Variants in RAB27A observed in about 807,000 individuals in gnomAD.
RAB27A encodes the protein RAB27A, member RAS oncogene family.
Under a neutral mutation model 20.8 loss-of-function variants are expected in RAB27A, and 17 were observed. The observed-to-expected ratio is 0.82, with a 90% CI of 0.56 to 1.23. The LOEUF is 1.23. RAB27A is among the 50% of genes most tolerant of loss of function. The pLI is 0.00. For synonymous variants in RAB27A, 85 were observed against 92.8 expected (o/e 0.92, Z 0.48); for missense variants, 277 against 266.7 (o/e 1.04, Z -0.27).
At chr15:55,297,945 G>A (rs1332505031) in intron 2 of RAB27A, among the ~76,000 whole-genome samples, 1 of 152,138 alleles carries the variant, frequency 6.6e-6, no homozygotes, top group African/African-American at 2.4e-5. Flanking sequence ...GCTCATGCCT[G>A]TAATCCCAGC....
At chr15:55,309,877 C>G (rs561221896) in intron 2 of RAB27A, among the ~76,000 whole-genome samples, 1 of 152,032 alleles carries the variant, frequency 6.6e-6, no homozygotes, top group Non-Finnish European at 1.5e-5. Context: ...CTTTTAGGTC[C>G]TTAACAATTT....
intron 6 of RAB27A, among the ~76,000 whole-genome samples, chr15:55,208,410 A>G (rs1595665526): frequency 6.6e-6 from 1 of 152,348 alleles, no homozygotes; most frequent in Middle Eastern, 3.4e-3. Flanking sequence ...GTAATGCATA[A>G]TGAACACAGA....
intron 6 of RAB27A, among the ~76,000 whole-genome samples, chr15:55,220,789 A>G (rs1895534444): frequency 6.6e-6 from 1 of 152,216 alleles, no homozygotes; most frequent in African/African-American, 2.4e-5. Context: ...TGTGAAAATA[A>G]TCATTAAAGT....
intron 1 of RAB27A, among the ~76,000 whole-genome samples, chr15:55,280,528 C>T (rs1039397607): frequency 4.8e-5 from 5 of 104,648 alleles, no homozygotes; most frequent in African/African-American, 1.5e-4. Context: ...TATATATATA[C>T]TTTAAGTTCT....
chr15:55,222,507 T>G (rs944588174), intron 6 of RAB27A, among the ~76,000 whole-genome samples: 1 of 152,154 alleles, frequency 6.6e-6, no homozygotes, highest in Admixed American at 6.5e-5. Context: ...CATCCCTCCA[T>G]GCTCAAAGGC....
At chr15:55,242,795 C>G (rs1236799745) in intron 2 of RAB27A, among the ~76,000 whole-genome samples, 1 of 152,102 alleles carries the variant, frequency 6.6e-6, no homozygotes, top group Non-Finnish European at 1.5e-5. Context: ...GTTGAATGCT[C>G]TAATTTCCAG....
At chr15:55,235,022 A>G in intron 2 of RAB27A, 66 bp from the exon 3 acceptor site, 2 of 1,300,624 alleles carry the variant, frequency 1.5e-6, no homozygotes, top group East Asian at 2.5e-5. Context: ...CCATTTAAAA[A>G]GTGACAACAA....
At chr15:55,266,373 A>T (rs1452609346) in intron 2 of RAB27A, among the ~76,000 whole-genome samples, 1 of 152,218 alleles carries the variant, frequency 6.6e-6, no homozygotes, top group Non-Finnish European at 1.5e-5. Context: ...GTACTTTGTT[A>T]TAACAGTTTG....
chr15:55,218,614 C>A (rs768942226), intron 6 of RAB27A, among the ~76,000 whole-genome samples: 6 of 152,136 alleles, frequency 3.9e-5, no homozygotes, highest in Non-Finnish European at 7.3e-5. Flanking sequence ...CATTCCAGAA[C>A]TCTTGAGCAT....
intron 2 of RAB27A, among the ~76,000 whole-genome samples, chr15:55,311,469 A>C (rs1566942165): frequency 6.6e-6 from 1 of 151,914 alleles, no homozygotes; most frequent in African/African-American, 2.4e-5. Context: ...TTTGGGTTGA[A>C]GGGGGGTCCT....
intron 3 of RAB27A, among the ~76,000 whole-genome samples, chr15:55,230,945 G>A (rs1231912696): frequency 1.3e-5 from 2 of 152,106 alleles, no homozygotes; most frequent in African/African-American, 4.8e-5. Context: ...TACCCAATAA[G>A]TAGTTTTTCA....
chr15:55,315,853 C>G (rs55933611), intron 1 of RAB27A, among the ~76,000 whole-genome samples: 17,150 of 152,204 alleles, frequency 0.11, 1,752 homozygotes, highest in East Asian at 0.54. Flanking sequence ...GGCAATTCCT[C>G]AAGGATCTAC....
intron 4 of RAB27A, among the ~76,000 whole-genome samples, chr15:55,230,108 T>C (rs1895971429): frequency 6.6e-6 from 1 of 152,174 alleles, no homozygotes; most frequent in Admixed American, 6.5e-5. Context: ...TTGGCCACTT[T>C]CTTGTGGTTG....
intron 2 of RAB27A, among the ~76,000 whole-genome samples, chr15:55,265,687 T>C (rs1423027105): frequency 6.6e-6 from 1 of 151,320 alleles, no homozygotes; most frequent in Non-Finnish European, 1.5e-5. Flanking sequence ...GAACACATCT[T>C]GGGCTGACTG....
intron 6 of RAB27A, among the ~76,000 whole-genome samples, chr15:55,212,721 G>T (rs1017199924): frequency 3.9e-5 from 6 of 151,958 alleles, no homozygotes; most frequent in African/African-American, 1.5e-4. Flanking sequence ...AGTACAGACG[G>T]TGTTTCACCA....
chr15:55,235,527 T>C (rs1464394883), intron 2 of RAB27A, among the ~76,000 whole-genome samples: 3 of 151,622 alleles, frequency 2.0e-5, no homozygotes, highest in Non-Finnish European at 2.9e-5. Context: ...AAATTTCAAG[T>C]GGGAATGATA....
intron 2 of RAB27A, among the ~76,000 whole-genome samples, chr15:55,295,718 C>T (rs1259699416): frequency 6.6e-6 from 1 of 152,112 alleles, no homozygotes; most frequent in African/African-American, 2.4e-5. Context: ...GTGTTGACTG[C>T]TTATTGCACA....
At chr15:55,310,169 T>C (rs943640728) in intron 2 of RAB27A, among the ~76,000 whole-genome samples, 5 of 152,168 alleles carry the variant, frequency 3.3e-5, no homozygotes, top group Non-Finnish European at 7.3e-5. Flanking sequence ...AGTTCTCCAG[T>C]CACAACTTAG....
Position 55,224,015 on chromosome 15 carries a change from AT to A in RAB27A, c.344-4del. 1 of 1,564,786 alleles carries A rather than the reference AT, an allele frequency of 6.4e-7. No individual in the cohort carries two copies. Among genetic ancestry groups the A allele is most frequent in the Non-Finnish European group, 8.8e-7 (1 of 1,135,846 alleles). Reference sequence around the variant, plus strand: ...ATATGCATGCATCTGTAGCTGGCCTATTAATATAAGAAAGTTTATTATATAT... The same window carrying A: ...ATATGCATGCATCTGTAGCTGGCCTATAATATAAGAAAGTTTATTATATAT... On this transcript the variant is annotated splice_polypyrimidine_tract_variant and splice_region_variant and intron_variant, in intron 5 of 6. Transcript: ENST00000336787.
Sources: allele counts gnomAD v4.1 joint callset (sites outside exome capture counted in the v4.1 genomes callset), GRCh38; gene constraint gnomAD v4.1.1; transcripts MANE v1.5; gene names NCBI Gene and HGNC (gene_info 2026-07-23, HGNC 2026-07-21).